Variants in ANXA8 observed in about 807,000 individuals in gnomAD.
ANXA8 encodes the protein annexin A8.
ANXA8 carries 9 observed loss-of-function variants against 26.8 expected under a neutral mutation model. That is an observed-to-expected ratio of 0.34 (90% CI 0.20 to 0.59). The LOEUF (loss-of-function observed/expected upper bound fraction) is 0.59, where lower values mean the gene tolerates loss of function less well. ANXA8 is among the 20% of genes least tolerant of loss of function. The pLI is 0.84. For missense variants in ANXA8, 83 were observed against 238.5 expected, an observed-to-expected ratio of 0.35 and a Z score of 4.29; for synonymous variants, 39 against 94.8, an observed-to-expected ratio of 0.41 and a Z score of 3.42.
At chr10:47,626,902 G>A in the ANXA8 span, among the ~76,000 whole-genome samples, 113 of 149,666 alleles carry the variant, frequency 7.6e-4, 14 homozygotes, top group African/African-American at 2.7e-3. Flanking sequence ...ATTTAAAAAC[G>A]TTCCATTTTT....
chr10:47,776,109 C>T, the ANXA8 span, among the ~76,000 whole-genome samples: 2 of 152,028 alleles, frequency 1.3e-5, no homozygotes, highest in African/African-American at 2.4e-5. Context: ...CAGGAGGAAA[C>T]CGGTCTGGGA....
chr10:47,668,486 C>T, the ANXA8 span, among the ~76,000 whole-genome samples: 3 of 150,648 alleles, frequency 2.0e-5, no homozygotes, highest in South Asian at 2.1e-4. Context: ...AGACTGGTCT[C>T]GAACTCTTAA....
chr10:47,548,335 CTT>C, the ANXA8 span, among the ~76,000 whole-genome samples: 2 of 144,908 alleles, frequency 1.4e-5, no homozygotes, highest in Admixed American at 1.4e-4. Flanking sequence ...GAATTTCACT[CTT>C]GTTGCCCAGG....
chr10:47,687,082 TGA>T, the ANXA8 span, among the ~76,000 whole-genome samples: 1 of 150,066 alleles, frequency 6.7e-6, no homozygotes, highest in African/African-American at 2.5e-5. Context: ...CCAGCCTGGG[TGA>T]GAGAGAGAGA....
chr10:47,591,065 A>G, the ANXA8 span, among the ~76,000 whole-genome samples: 1 of 143,556 alleles, frequency 7.0e-6, no homozygotes, highest in Non-Finnish European at 1.5e-5. Flanking sequence ...AGAAGTGGGA[A>G]CGCATCTTGT....
the ANXA8 span, chr10:47,563,781 G>C: frequency 2.7e-6 from 2 of 747,024 alleles, no homozygotes; most frequent in Non-Finnish European, 4.8e-6. Context: ...TACCTTATCG[G>C]AACTGATTTT....
At chr10:47,530,442 C>T in the ANXA8 span, among the ~76,000 whole-genome samples, 2 of 148,860 alleles carry the variant, frequency 1.3e-5, no homozygotes, top group Non-Finnish European at 3.0e-5. Context: ...AATCCCAGCA[C>T]TTTGGGAGGC....
At chr10:47,608,352 T>C in the ANXA8 span, among the ~76,000 whole-genome samples, 3 of 35,204 alleles carry the variant, frequency 8.5e-5, no homozygotes, top group African/African-American at 3.1e-4. Flanking sequence ...AATTCCTTTA[T>C]TTGCATTTAT....
chr10:47,959,156 G>C, the ANXA8 span, among the ~76,000 whole-genome samples: 11 of 146,388 alleles, frequency 7.5e-5, 2 homozygotes, highest in African/African-American at 2.4e-4. Context: ...GGAGAACATG[G>C]GGGTGGAGTG....
the ANXA8 span, among the ~76,000 whole-genome samples, chr10:47,693,412 C>T: frequency 7.3e-5 from 11 of 151,596 alleles, no homozygotes; most frequent in African/African-American, 2.4e-4. Flanking sequence ...GCCTCAGCCT[C>T]CCGAATAGCT....
At chr10:47,687,505 T>C in the ANXA8 span, among the ~76,000 whole-genome samples, 1 of 151,848 alleles carries the variant, frequency 6.6e-6, no homozygotes, top group Non-Finnish European at 1.5e-5. Context: ...TCTCAGGTGA[T>C]CCTCCCGCTT....
the ANXA8 span, among the ~76,000 whole-genome samples, chr10:47,583,720 AC>A: frequency 6.8e-6 from 1 of 146,902 alleles, no homozygotes; most frequent in Non-Finnish European, 1.5e-5. Context: ...TTTCAGCTTA[AC>A]CCTGCTTTTC....
chr10:47,624,214 GC>G, the ANXA8 span, among the ~76,000 whole-genome samples: 2 of 82,854 alleles, frequency 2.4e-5, 1 homozygote, highest in South Asian at 8.9e-4. Context: ...TGCCACTCCA[GC>G]CTGGGAGACA....
chr10:47,591,715 G>T, the ANXA8 span, among the ~76,000 whole-genome samples: 2 of 131,398 alleles, frequency 1.5e-5, no homozygotes, highest in African/African-American at 6.7e-5. Context: ...CAAAGTGCTG[G>T]GATTACAGGC....
the ANXA8 span, among the ~76,000 whole-genome samples, chr10:47,968,755 G>A: frequency 6.6e-6 from 1 of 150,894 alleles, no homozygotes; most frequent in East Asian, 1.9e-4. Context: ...AGTTACAAAG[G>A]CAAAGCCCCT....
the ANXA8 span, among the ~76,000 whole-genome samples, chr10:47,714,353 T>C: frequency 3.4e-4 from 50 of 148,492 alleles, no homozygotes; most frequent in South Asian, 0.01. Flanking sequence ...AAAAAATCTT[T>C]AGTGAAAGAA....
chr10:47,975,166 G>T, the ANXA8 span, among the ~76,000 whole-genome samples: 5 of 149,494 alleles, frequency 3.3e-5, no homozygotes, highest in South Asian at 1.1e-3. Flanking sequence ...TTAGATAAGG[G>T]ATAGAAAGTA....
chr10:47,976,469 A>G, the ANXA8 span, among the ~76,000 whole-genome samples: 1 of 151,330 alleles, frequency 6.6e-6, no homozygotes, highest in South Asian at 2.1e-4. Flanking sequence ...GCACTTTGGG[A>G]GGCTGAGATG....
At chr10:47,628,845 G>A in the ANXA8 span, among the ~76,000 whole-genome samples, 1 of 148,162 alleles carries the variant, frequency 6.7e-6, no homozygotes, top group East Asian at 1.9e-4. Flanking sequence ...TAACTTTAAA[G>A]ACTATATCTC....
Sources: allele counts gnomAD v4.1 joint callset (sites outside exome capture counted in the v4.1 genomes callset), GRCh38; gene constraint gnomAD v4.1.1; transcripts MANE v1.5; gene names NCBI Gene and HGNC (gene_info 2026-07-23, HGNC 2026-07-21).